CFAP74: variants seen among roughly 807,000 people sequenced by gnomAD.
CFAP74 encodes cilia- and flagella-associated protein 74.
CFAP74 carries 124 observed loss-of-function variants against 188.9 expected under a neutral mutation model. The observed-to-expected ratio is 0.66, with a 90% CI of 0.57 to 0.76. The LOEUF (loss-of-function observed/expected upper bound fraction) is 0.76. Ranked by LOEUF, CFAP74 falls within the 30% of genes least tolerant of loss-of-function variation. CFAP74 has a pLI of 0.00. For missense variants in CFAP74, 2,198 were observed against 2,165.2 expected (o/e 1.02, Z -0.30); for synonymous variants, 956 against 916.7 (o/e 1.04, Z -0.77).
Position 1,924,524 on chromosome 1 carries a change from CAG to C in CFAP74, c.4105-6_4105-5del, listed in dbSNP as rs984802430. 1 of 1,603,096 alleles carries C rather than the reference CAG, an allele frequency of 6.2e-7. No individual in the cohort carries two copies. The highest frequency in any genetic ancestry group is 1.3e-5 in the African/African-American group (1 of 74,458). ...GGAGCAGAGAGTTGTTCTGCAGCTG[CAG>C]AGAGCAGGCCGCGGTCACTGCCCGC... On this transcript the variant is annotated splice_region_variant and splice_polypyrimidine_tract_variant and intron_variant, in intron 33 of 38. Transcript: ENST00000682832.
At position 1,930,256 on chromosome 1, in the gene CFAP74, G is replaced by C; in HGVS notation, c.3092C>G (p.Thr1031Arg). The C allele has an allele frequency of 6.5e-7, 1 of 1,535,652 alleles. No homozygotes were observed. The highest frequency in any genetic ancestry group is 8.7e-7 in the Non-Finnish European group (1 of 1,146,662). ...AGCCACGGAGGTGTCGTATAGGGCC[G>C]TGGCGGCAAACTTGATCTGGTAGTG... is the stretch of plus-strand genomic sequence containing the variant. ...LSHYQIKFAA[T>R]ALYDTSVATV... Residue 1031 changes from threonine to arginine, a missense_variant, in exon 26 of 39, where the codon ACG (threonine) becomes AGG (arginine). Thr to Arg is a moderately conservative substitution (Grantham distance 71, BLOSUM62 -1). Transcript: ENST00000682832.
intron 1 of CFAP74, among the ~76,000 whole-genome samples, chr1:1,997,522 A>G (rs539854901): frequency 6.6e-6 from 1 of 152,296 alleles, no homozygotes; most frequent in African/African-American, 2.4e-5. Context: ...AAACAAATAT[A>G]CAGATAAGTT....
chr1:1,992,016 G>A (rs1004204973), intron 1 of CFAP74, among the ~76,000 whole-genome samples: 1 of 149,430 alleles, frequency 6.7e-6, no homozygotes, highest in Non-Finnish European at 1.5e-5. Context: ...CTCCAGCCTG[G>A]GTGACAGAGC....
chr1:1,983,058 G>A (rs1323009895), intron 6 of CFAP74, among the ~76,000 whole-genome samples: 1 of 152,184 alleles, frequency 6.6e-6, no homozygotes, highest in Non-Finnish European at 1.5e-5. Flanking sequence ...AAGGCGGCTG[G>A]AGCACCCAGA....
At chr1:1,927,179 C>T in intron 28 of CFAP74, 151 bp from the exon 29 acceptor site, 1 of 831,228 alleles carries the variant, frequency 1.2e-6, no homozygotes, top group Non-Finnish European at 1.8e-6. Flanking sequence ...GCTTTTCCAC[C>T]CTTCTCTGGC....
At position 1,927,623 on chromosome 1, in the gene CFAP74, G is replaced by A. The variant is rs777369085; in HGVS notation, c.3511C>T (p.Arg1171Trp). Reference sequence around the variant, plus strand: ...TGGACCCACCTGGGCCTCAGCTCCCGCTTCCGCATCTCCAGGACGTGGGGG... The same window carrying A: ...TGGACCCACCTGGGCCTCAGCTCCCACTTCCGCATCTCCAGGACGTGGGGG... ...SVPHVLEMRK[R>W]ELRPSSDEYQ... The change falls in exon 28 of 39, where the codon CGG (arginine) becomes TGG (tryptophan). Residue 1171 changes from arginine to tryptophan, a missense_variant. Transcript: ENST00000682832. 36 of 1,549,794 alleles carry A rather than the reference G, an allele frequency of 2.3e-5. No homozygotes were observed. The highest frequency in any genetic ancestry group is 1.7e-4 in the Middle Eastern group (1 of 6,008).
chr1:2,002,639 C>T (rs1424621865), intron 1 of CFAP74, among the ~76,000 whole-genome samples: 1 of 150,348 alleles, frequency 6.7e-6, no homozygotes, highest in Non-Finnish European at 1.5e-5. Flanking sequence ...TGCTGCATTC[C>T]AACCTGGGCA....
chr1:1,987,598 G>A lies in CFAP74; in HGVS notation c.297-563C>T, dbSNP rs143455900. Among the ~76,000 whole-genome samples the A allele has an allele frequency of 8.8e-3, 1,331 of 151,698 alleles. 8 individuals carry two copies. The highest frequency in any genetic ancestry group is 0.013 in the Non-Finnish European group (896 of 67,910). On this transcript the variant is annotated intron_variant, in intron 4 of 38. Coordinates refer to ENST00000682832, the MANE Select transcript of CFAP74 (RefSeq NM_001304360.2). ...CGCTTGTCACCCAGGCTGGAGTGCA[G>A]TGGCGCGATCTCGGCTCACTGCAAC... is the stretch of plus-strand genomic sequence containing the variant.
chr1:1,926,289 A>G lies in CFAP74; in HGVS notation c.3887T>C (p.Leu1296Pro). The G allele has an allele frequency of 1.3e-6, 2 of 1,545,634 alleles. No homozygotes were observed. Among genetic ancestry groups the G allele is most frequent in the Non-Finnish European group, 1.7e-6 (2 of 1,144,232 alleles). Residue 1296 changes from leucine to proline, a missense_variant, in exon 32 of 39, where the codon CTG becomes CCG. Physicochemically the swap from Leu to Pro is moderately conservative, Grantham distance 98 (BLOSUM62 -3). Transcript: ENST00000682832. ...GACCTGGGTCCCACCTGCACGCAGC[A>G]GGCTGGAGTGGTTCAGCAGGACAAA... is the stretch of plus-strand genomic sequence containing the variant. The part of the protein sequence containing the change: ...GPFVLLNHSS[L>P]LRAGGTQVLV...
In CFAP74 at chr1:1,946,413, G is replaced by T. The variant is rs1250290717; in HGVS notation, c.2268C>A (p.Phe756Leu). 1 of 1,536,772 alleles carries T rather than the reference G, an allele frequency of 6.5e-7. No individual in the cohort carries two copies. Among genetic ancestry groups the T allele is most frequent in the African/African-American group, 1.4e-5 (1 of 73,048 alleles). ...GEVTEGEIGP[F>L]SSIKVPIVFT... ...AGACGATGGGCACCTTGATGGAGCT[G>T]AAGGGGCCAATTTCCCCTTCTGTTA... Residue 756 changes from phenylalanine (F) to leucine (L), a missense_variant, in exon 20 of 39, where the codon TTC (phenylalanine) becomes TTA (leucine). By Grantham distance (22) the Phe-to-Leu change is conservative. Coordinates refer to ENST00000682832, the MANE Select transcript of CFAP74 (RefSeq NM_001304360.2).
At chr1:1,931,979 T>A (rs573875370) in intron 25 of CFAP74, among the ~76,000 whole-genome samples, 1 of 146,698 alleles carries the variant, frequency 6.8e-6, no homozygotes, top group African/African-American at 2.6e-5. Context: ...GGCAGGAGAA[T>A]TGCTTGAACC....
intron 14 of CFAP74, among the ~76,000 whole-genome samples, chr1:1,962,063 C>A (rs890824966): frequency 2.6e-5 from 4 of 152,164 alleles, no homozygotes; most frequent in African/African-American, 7.2e-5. Context: ...ACAACGCTCG[C>A]GGGAGTGGAA....
intron 18 of CFAP74, among the ~76,000 whole-genome samples, chr1:1,951,384 T>C (rs991835525): frequency 3.3e-5 from 5 of 152,184 alleles, no homozygotes; most frequent in African/African-American, 1.2e-4. Flanking sequence ...GTTTATCCAA[T>C]TGTTATGGCC....
At position 1,968,190 on chromosome 1, in the gene CFAP74, G is replaced by A. The variant is rs1183381879; in HGVS notation, c.1245+445C>T. Among the ~76,000 whole-genome samples, 2 of 152,210 alleles carry A rather than the reference G, an allele frequency of 1.3e-5. No homozygotes were observed. Among genetic ancestry groups the A allele is most frequent in the South Asian group, 2.1e-4 (1 of 4,836 alleles). On this transcript the variant is annotated intron_variant, in intron 11 of 38. Coordinates refer to ENST00000682832, the MANE Select transcript of CFAP74 (RefSeq NM_001304360.2). The surrounding 1 kb of genome is among the most constrained non-coding windows in gnomAD (Gnocchi z 4.3). ...ATAAAGGATGAGTGAGTGAATGAAT[G>A]AGTGATAGGAAAGCTGTCCTCTAGG...
chr1:1,955,233 C>G (rs552056321), intron 18 of CFAP74: 1 of 1,290,228 alleles, frequency 7.8e-7, no homozygotes, highest in South Asian at 1.2e-5. Context: ...AAGGAGGAGA[C>G]GCAAGCGATT....
chr1:1,957,524 C>T (rs560425442), intron 16 of CFAP74, among the ~76,000 whole-genome samples: 6 of 152,252 alleles, frequency 3.9e-5, no homozygotes, highest in East Asian at 3.9e-4. Flanking sequence ...CCAGCCTGGA[C>T]GCTCCCCTGG....
chr1:1,960,118 C>CCA, intron 14 of CFAP74, 88 bp from the exon 15 acceptor site: 1 of 1,115,964 alleles, frequency 9.0e-7, no homozygotes, highest in Non-Finnish European at 1.3e-6. Flanking sequence ...CAGGCTGGGC[C>CCA]TCCTGGCCTC....
chr1:1,968,530 T>A lies in CFAP74; in HGVS notation c.1245+105A>T. 1 of 951,552 alleles carries A rather than the reference T, an allele frequency of 1.1e-6. No individual in the cohort carries two copies. Among genetic ancestry groups the A allele is most frequent in the Non-Finnish European group, 1.6e-6 (1 of 613,852 alleles). 58.9% of individuals were successfully genotyped at this position (951,552 alleles called of 1,614,324 possible). On this transcript the variant is annotated intron_variant, in intron 11 of 38. Coordinates refer to ENST00000682832, the MANE Select transcript of CFAP74 (RefSeq NM_001304360.2). This position sits in a 1 kb window ranked among gnomAD's most constrained non-coding sequence, Gnocchi z 4.3. ...CTCAGCAACCCCCTGCAGGTGGCCA[T>A]GGTGCTGAGGTCCTCAGAGGATGTC...
intron 31 of CFAP74, 21 bp from the exon 32 acceptor site, chr1:1,926,368 G>A (rs1202656878): frequency 7.7e-6 from 12 of 1,549,294 alleles, no homozygotes; most frequent in Non-Finnish European, 8.7e-6. Context: ...ACGTCAAGGA[G>A]GGGATACAGG....
Sources: gnomAD v4.1 joint callset for allele counts (sites outside exome capture counted in the v4.1 genomes callset) on GRCh38, gnomAD v4.1.1 for gene constraint, Gnocchi (gnomAD v3.1) non-coding constraint, MANE v1.5 for transcripts, NCBI Gene and HGNC (gene_info 2026-07-23, HGNC 2026-07-21) for gene names.